The following STAT4 variants were observed in gnomAD, a reference collection of about 807,000 sequenced individuals.
The protein encoded by STAT4 is signal transducer and activator of transcription 4.
In STAT4, 42 loss-of-function variants were observed where a neutral mutation model predicts 110.5. The ratio of observed to expected loss-of-function variants is 0.38; its 90% CI spans 0.30 to 0.49. The LOEUF (loss-of-function observed/expected upper bound fraction) is 0.49. Among genes scored for constraint, STAT4 ranks in the 20% least tolerant of loss-of-function variants. The pLI, the probability that STAT4 is intolerant of heterozygous loss-of-function variation, is 0.95. For missense variants in STAT4, 632 were observed against 887.9 expected, an observed-to-expected ratio of 0.71 and a Z score of 3.66; for synonymous variants, 284 against 302.2, an observed-to-expected ratio of 0.94 and a Z score of 0.63.
At chr2:191,096,139 C>A (rs1194537876) in intron 3 of STAT4, among the ~76,000 whole-genome samples, 1 of 152,054 alleles carries the variant, frequency 6.6e-6, no homozygotes. Context: ...AGCCTACCAA[C>A]CAAAAAAAGC....
chr2:191,036,438 C>A, intron 16 of STAT4, 139 bp from the exon 17 acceptor site: 1 of 896,124 alleles, frequency 1.1e-6, no homozygotes, highest in Non-Finnish European at 1.7e-6. Context: ...GATAGTCAGG[C>A]AGTTAACTGT....
intron 6 of STAT4, 38 bp downstream of exon 6, chr2:191,069,655 T>C: frequency 6.6e-7 from 1 of 1,511,544 alleles, no homozygotes; most frequent in Non-Finnish European, 9.1e-7. Flanking sequence ...GATGCCTTTT[T>C]GTCTCTATGC....
intron 3 of STAT4, chr2:191,131,785 T>A (rs1195397083): frequency 4.5e-6 from 6 of 1,332,484 alleles, no homozygotes; most frequent in Non-Finnish European, 5.8e-6. Flanking sequence ...CCTCAATTAG[T>A]ATCATCTGAA....
chr2:191,059,896 C>T lies in STAT4; in HGVS notation c.1035-1127G>A, dbSNP rs1453791153. ...CAGGCCAGATGTTTTTCCTCTCCAC[C>T]TTCCTTTTTATACCACTTCAGGAAG... On this transcript the variant is annotated intron_variant, in intron 10 of 23. Coordinates refer to ENST00000392320, the MANE Select transcript of STAT4 (RefSeq NM_003151.4). This position sits in a 1 kb window ranked among gnomAD's most constrained non-coding sequence, Gnocchi z 4.7. Among the ~76,000 whole-genome samples, 1 of 152,180 alleles carries T rather than the reference C, an allele frequency of 6.6e-6. No homozygotes were observed. The highest frequency in any genetic ancestry group is 2.4e-5 in the African/African-American group (1 of 41,436).
intron 3 of STAT4, among the ~76,000 whole-genome samples, chr2:191,102,372 TCTC>T (rs1041257097): frequency 1.3e-5 from 2 of 149,398 alleles, no homozygotes; most frequent in Admixed American, 1.3e-4. Context: ...CTTTTGCTCT[TCTC>T]TACTATTTTG....
Position 191,050,922 on chromosome 2 carries a change from C to T in STAT4, c.1251+3568G>A, listed in dbSNP as rs1014649899. On this transcript the variant is annotated intron_variant, in intron 14 of 23. Transcript: ENST00000392320. The surrounding 1 kb of genome is among the most constrained non-coding windows in gnomAD (Gnocchi z 4.3). ...AATCTAGGGAGGTCTGGAATGGCAA[C>T]TTAGTGAAACTATCATTTATGACAT... Among the ~76,000 whole-genome samples, 5 of 152,206 alleles carry T rather than the reference C, an allele frequency of 3.3e-5. No homozygotes were observed. Among genetic ancestry groups the T allele is most frequent in the African/African-American group, 9.7e-5 (4 of 41,450 alleles).
chr2:191,121,130 T>G (rs1381962863), intron 3 of STAT4, among the ~76,000 whole-genome samples: 1 of 152,158 alleles, frequency 6.6e-6, no homozygotes, highest in Non-Finnish European at 1.5e-5. Context: ...CAGACACTTC[T>G]CAAAAGAAGA....
At position 191,082,312 on chromosome 2, in the gene STAT4, C is replaced by A. The variant is rs890329701; in HGVS notation, c.274-5987G>T. On this transcript the variant is annotated intron_variant, in intron 3 of 23. Transcript: ENST00000392320. The surrounding 1 kb of genome is among the most constrained non-coding windows in gnomAD (Gnocchi z 4.7). ...TTGTACCCTGCTGATTTGTTCCCGTCCCTTTCTGCATACATAATAACTATT... is the reference window on the plus strand; with the variant it reads ...TTGTACCCTGCTGATTTGTTCCCGTACCTTTCTGCATACATAATAACTATT... Among the ~76,000 whole-genome samples the A allele has an allele frequency of 6.6e-6, 1 of 152,172 alleles. No individual in the cohort carries two copies. The highest frequency in any genetic ancestry group is 2.4e-5 in the African/African-American group (1 of 41,454).
chr2:191,093,915 C>A (rs1307362214), intron 3 of STAT4, among the ~76,000 whole-genome samples: 9 of 152,126 alleles, frequency 5.9e-5, no homozygotes, highest in Admixed American at 1.3e-4. Context: ...TTGCTGAAAA[C>A]CATGGCATGG....
At chr2:191,092,856 T>C (rs542247738) in intron 3 of STAT4, among the ~76,000 whole-genome samples, 1 of 152,218 alleles carries the variant, frequency 6.6e-6, no homozygotes, top group South Asian at 2.1e-4. Context: ...TACTGCACTT[T>C]TCCAATGGTT....
rs1001154914 is a variant in STAT4 at position 191,143,392 on chromosome 2, A to G, written c.273+3221T>C. On this transcript the variant is annotated intron_variant, in intron 3 of 23. Transcript: ENST00000392320. This position sits in a 1 kb window ranked among gnomAD's most constrained non-coding sequence, Gnocchi z 5.6. ...AATATCTTACTCAGGGCCACATTGC[A>G]AGTGGCAGGGCCAGGATTCAAGTAA... Among the ~76,000 whole-genome samples the G allele has an allele frequency of 1.3e-5, 2 of 152,152 alleles. No individual in the cohort carries two copies. The highest frequency in any genetic ancestry group is 4.8e-5 in the African/African-American group (2 of 41,428).
chr2:191,129,151 G>A (rs1042914314), intron 3 of STAT4, among the ~76,000 whole-genome samples: 6 of 151,592 alleles, frequency 4.0e-5, no homozygotes, highest in African/African-American at 1.5e-4. Flanking sequence ...GGCATACCCA[G>A]TAAAAAAAAC....
intron 3 of STAT4, among the ~76,000 whole-genome samples, chr2:191,079,787 T>A (rs1012000884): frequency 6.6e-6 from 1 of 152,128 alleles, no homozygotes; most frequent in African/African-American, 2.4e-5. Context: ...TTAATTTTAA[T>A]CAGAATACAT....
Position 191,036,122 on chromosome 2 carries a change from G to T in STAT4, c.1570+42C>A, listed in dbSNP as rs1696037145. The T allele has an allele frequency of 1.9e-6, 3 of 1,598,338 alleles. No individual in the cohort carries two copies. The East Asian group carries it at 6.7e-5, about 36-fold the overall frequency. ...TCCTGGTTATTTAAAATGCCTGAGG[G>T]CCAAAAACAGAGGCAAATCCTCTCT... On this transcript the variant is annotated intron_variant, in intron 17 of 23. Transcript: ENST00000392320.
At chr2:191,074,405 CTCTT>C (rs1222629776) in intron 4 of STAT4, among the ~76,000 whole-genome samples, 8 of 152,180 alleles carry the variant, frequency 5.3e-5, no homozygotes, top group Admixed American at 2.0e-4. Flanking sequence ...TTATAAAATT[CTCTT>C]TCTATCATCA....
intron 3 of STAT4, among the ~76,000 whole-genome samples, chr2:191,118,977 G>C (rs1010056029): frequency 6.6e-6 from 1 of 152,112 alleles, no homozygotes; most frequent in African/African-American, 2.4e-5. Context: ...TGTTGCCCAG[G>C]CTGGCCTTGA....
chr2:191,040,412 C>T (rs3024873), intron 15 of STAT4, among the ~76,000 whole-genome samples: 147,627 of 152,250 alleles, frequency 0.97, 71,732 homozygotes, highest in East Asian at 1. Context: ...ATGACATAAG[C>T]TCAAGGATAC....
chr2:191,118,172 C>T (rs1248902004), intron 3 of STAT4, among the ~76,000 whole-genome samples: 1 of 152,146 alleles, frequency 6.6e-6, no homozygotes, highest in Non-Finnish European at 1.5e-5. Context: ...TTATAAAAAG[C>T]CTTAATATTT....
chr2:191,076,197 T>C (rs1478841936), intron 4 of STAT4, 30 bp downstream of exon 4: 2 of 1,578,202 alleles, frequency 1.3e-6, no homozygotes, highest in Middle Eastern at 1.7e-4. Context: ...TTCAAGGTGA[T>C]AACAAGATCA....
Sources: gnomAD v4.1 joint callset for allele counts (sites outside exome capture counted in the v4.1 genomes callset) on GRCh38, gnomAD v4.1.1 for gene constraint, Gnocchi (gnomAD v3.1) non-coding constraint, MANE v1.5 for transcripts, NCBI Gene and HGNC (gene_info 2026-07-23, HGNC 2026-07-21) for gene names.